Variants in NXPH1 observed in about 807,000 individuals in gnomAD.
NXPH1 encodes neurexophilin 1.
Under a neutral mutation model 23.7 loss-of-function variants are expected in NXPH1, and 5 were observed. That is an observed-to-expected ratio of 0.21 (90% CI 0.11 to 0.44). The LOEUF (loss-of-function observed/expected upper bound fraction) is 0.44, where lower values mean the gene tolerates loss of function less well. Among genes scored for constraint, NXPH1 ranks in the 20% least tolerant of loss-of-function variants. The pLI, the probability that NXPH1 is intolerant of heterozygous loss-of-function variation, is 0.99. For synonymous variants in NXPH1, 144 were observed against 122.2 expected, an observed-to-expected ratio of 1.18 and a Z score of -1.18; for missense variants, 324 against 321.6, an observed-to-expected ratio of 1.01 and a Z score of -0.06.
At chr7:8,750,395 G>T (rs914821897) in intron 2 of NXPH1, among the ~76,000 whole-genome samples, 2 of 152,078 alleles carry the variant, frequency 1.3e-5, no homozygotes, top group African/African-American at 4.8e-5. Context: ...GCATACATGT[G>T]CCATGGTGTT....
intron 2 of NXPH1, among the ~76,000 whole-genome samples, chr7:8,506,910 G>A (rs1449350450): frequency 1.3e-5 from 2 of 152,052 alleles, no homozygotes; most frequent in Non-Finnish European, 2.9e-5. Context: ...CTCATGTGAA[G>A]GTTTGGTTCC....
At chr7:8,708,654 G>T (rs1337801851) in intron 2 of NXPH1, among the ~76,000 whole-genome samples, 1 of 152,076 alleles carries the variant, frequency 6.6e-6, no homozygotes, top group Non-Finnish European at 1.5e-5. Flanking sequence ...GAGCCACCAT[G>T]CCTGCCTAGA....
At chr7:8,689,029 C>T (rs537649710) in intron 2 of NXPH1, among the ~76,000 whole-genome samples, 21 of 152,162 alleles carry the variant, frequency 1.4e-4, no homozygotes, top group Middle Eastern at 3.4e-3. Flanking sequence ...ATAGTAGTCT[C>T]TTTTTCAAAA....
rs139068928 is a variant in NXPH1 at position 8,610,554 on chromosome 7, A to G, written c.55-140454A>G. Among the ~76,000 whole-genome samples, 465 of 152,270 alleles carry G rather than the reference A, an allele frequency of 3.1e-3. 4 individuals carry two copies. Among genetic ancestry groups the G allele is most frequent in the African/African-American group, 0.011 (451 of 41,568 alleles). ...AATAATAGGATACACAAAAAGTACC[A>G]CATAGAACAGTACAATTTTAGAAAG... On this transcript the variant is annotated intron_variant, in intron 2 of 2. Transcript: ENST00000405863.
intron 2 of NXPH1, among the ~76,000 whole-genome samples, chr7:8,654,634 A>G (rs1457488884): frequency 6.6e-6 from 1 of 152,170 alleles, no homozygotes; most frequent in Non-Finnish European, 1.5e-5. Flanking sequence ...ATGTGGCAAT[A>G]GTCACAATGA....
intron 2 of NXPH1, among the ~76,000 whole-genome samples, chr7:8,473,028 C>T (rs547671292): frequency 6.6e-6 from 1 of 152,292 alleles, no homozygotes; most frequent in African/African-American, 2.4e-5. Context: ...GTGTTATGTG[C>T]TGCTCTCCAA....
chr7:8,591,038 T>C (rs1425595290), intron 2 of NXPH1, among the ~76,000 whole-genome samples: 1 of 152,084 alleles, frequency 6.6e-6, no homozygotes, highest in Non-Finnish European at 1.5e-5. Context: ...TTTAATTTGC[T>C]ACCAGGGAAT....
At chr7:8,622,133 T>C (rs1365120330) in intron 2 of NXPH1, among the ~76,000 whole-genome samples, 1 of 152,196 alleles carries the variant, frequency 6.6e-6, no homozygotes, top group Admixed American at 6.5e-5. Context: ...ACCATGAAAT[T>C]CATTGTTATT....
intron 2 of NXPH1, among the ~76,000 whole-genome samples, chr7:8,499,429 C>T (rs985995843): frequency 6.6e-6 from 1 of 152,018 alleles, no homozygotes; most frequent in African/African-American, 2.4e-5. Context: ...ATACAAACAG[C>T]AGAGATCCCA....
intron 2 of NXPH1, among the ~76,000 whole-genome samples, chr7:8,614,427 T>C (rs1322444476): frequency 7.4e-6 from 1 of 135,396 alleles, no homozygotes; most frequent in African/African-American, 3.0e-5. Context: ...TATAGACATA[T>C]ATGTCTGTAT....
intron 2 of NXPH1, among the ~76,000 whole-genome samples, chr7:8,462,644 T>A (rs2128607066): frequency 6.6e-6 from 1 of 152,360 alleles, no homozygotes; most frequent in East Asian, 1.9e-4. Flanking sequence ...TACATTATTT[T>A]CAGTTTTATG....
intron 2 of NXPH1, among the ~76,000 whole-genome samples, chr7:8,736,275 A>C (rs990548361): frequency 1.3e-5 from 2 of 152,128 alleles, no homozygotes; most frequent in African/African-American, 4.8e-5. Flanking sequence ...TAGTGCTATA[A>C]ATTTCCCTCT....
chr7:8,498,504 A>G (rs1480972806), intron 2 of NXPH1, among the ~76,000 whole-genome samples: 2 of 152,122 alleles, frequency 1.3e-5, no homozygotes, highest in African/African-American at 4.8e-5. Flanking sequence ...TGAAGTTAAT[A>G]AAATTTGCAA....
chr7:8,462,165 C>G (rs767013725), intron 2 of NXPH1, among the ~76,000 whole-genome samples: 1 of 152,136 alleles, frequency 6.6e-6, no homozygotes, highest in Non-Finnish European at 1.5e-5. Context: ...TCTCCCACCT[C>G]AGCCTCCCAA....
intron 2 of NXPH1, among the ~76,000 whole-genome samples, chr7:8,473,294 A>C (rs576045001): frequency 6.6e-6 from 1 of 152,260 alleles, no homozygotes; most frequent in South Asian, 2.1e-4. Flanking sequence ...GTATTATCTA[A>C]GTTAGTTGTT....
chr7:8,751,757 TC>T lies in NXPH1; in HGVS notation c.807del (p.Ser270ArgfsTer13). 6.2e-7 allele frequency: 1 copy of T among 1,608,910 alleles called. No individual in the cohort carries two copies. On this transcript the variant is annotated frameshift_variant, in exon 3 of 3. Transcript: ENST00000405863. LOFTEE classifies it high-confidence loss of function. The surrounding 1 kb of genome is among the most constrained non-coding windows in gnomAD (Gnocchi z 4.5). Reference protein sequence around the residue: ...YNYHSDTPYFPSG With the variant: ...YNYHSDTPYFXSG ...ACTACCACAGTGACACACCTTACTT[TC>T]CCTCGGGATGAAGGTGAACATGGGG...
At chr7:8,546,094 A>G (rs1464414972) in intron 2 of NXPH1, among the ~76,000 whole-genome samples, 1 of 151,476 alleles carries the variant, frequency 6.6e-6, no homozygotes, top group African/African-American at 2.4e-5. Context: ...CTTAGTGTGT[A>G]AAGCTGAAAC....
At chr7:8,590,805 T>G (rs1819077657) in intron 2 of NXPH1, among the ~76,000 whole-genome samples, 1 of 152,030 alleles carries the variant, frequency 6.6e-6, no homozygotes, top group Non-Finnish European at 1.5e-5. Flanking sequence ...GTTTTTTTGC[T>G]AAATTTTGCT....
intron 2 of NXPH1, among the ~76,000 whole-genome samples, chr7:8,744,454 A>G (rs959664782): frequency 1.3e-4 from 20 of 152,264 alleles, no homozygotes; most frequent in Non-Finnish European, 2.9e-4. Flanking sequence ...TATAGTCCTT[A>G]CCACTTCTGA....
Sources: allele counts gnomAD v4.1 joint callset (sites outside exome capture counted in the v4.1 genomes callset), GRCh38; gene constraint gnomAD v4.1.1; non-coding constraint Gnocchi (gnomAD v3.1); transcripts MANE v1.5; gene names NCBI Gene and HGNC (gene_info 2026-07-23, HGNC 2026-07-21).